FGGY: variants seen among roughly 807,000 people sequenced by gnomAD.
The protein encoded by FGGY is FGGY carbohydrate kinase domain containing, also known as FGGY carbohydrate kinase domain-containing protein.
FGGY carries 72 observed loss-of-function variants against 71.3 expected under a neutral mutation model. The observed-to-expected ratio is 1.01, with a 90% CI of 0.84 to 1.23. FGGY has a LOEUF of 1.23. FGGY is among the 50% of genes most tolerant of loss of function. The pLI is 0.00. For synonymous variants in FGGY, 251 were observed against 250.3 expected (o/e 1.00, Z -0.02); for missense variants, 668 against 682.3 (o/e 0.98, Z 0.23).
chr1:59,561,117 A>G (rs2095786809), intron 8 of FGGY, among the ~76,000 whole-genome samples: 1 of 152,342 alleles, frequency 6.6e-6, no homozygotes, highest in Non-Finnish European at 1.5e-5. Flanking sequence ...AGAGTGGGCA[A>G]GTGGGACCAG....
intron 11 of FGGY, among the ~76,000 whole-genome samples, chr1:59,645,279 T>G (rs1362472556): frequency 2.0e-5 from 3 of 152,276 alleles, no homozygotes; most frequent in South Asian, 4.2e-4. Context: ...GTTGGCACGA[T>G]GGACAGACAG....
chr1:59,473,395 C>G (rs944191091), intron 6 of FGGY, among the ~76,000 whole-genome samples: 1 of 152,150 alleles, frequency 6.6e-6, no homozygotes, highest in Non-Finnish European at 1.5e-5. Flanking sequence ...GAACAAACTC[C>G]GGACACGCCA....
At chr1:59,371,815 A>G (rs1044232703) in intron 4 of FGGY, among the ~76,000 whole-genome samples, 3 of 152,228 alleles carry the variant, frequency 2.0e-5, no homozygotes, top group Non-Finnish European at 4.4e-5. Flanking sequence ...ACTACTGGGT[A>G]CATAACGAAA....
At chr1:59,657,479 G>A (rs2097230783) in intron 11 of FGGY, among the ~76,000 whole-genome samples, 1 of 152,238 alleles carries the variant, frequency 6.6e-6, no homozygotes, top group African/African-American at 2.4e-5. Flanking sequence ...TGTGTGAATG[G>A]TGTTCATGAC....
chr1:59,651,681 A>T (rs1174154077), intron 11 of FGGY, among the ~76,000 whole-genome samples: 1 of 151,120 alleles, frequency 6.6e-6, no homozygotes, highest in Admixed American at 6.6e-5. Flanking sequence ...AATACAGCAC[A>T]CTGATGGTTC....
chr1:59,594,596 G>A (rs945119564), intron 8 of FGGY, among the ~76,000 whole-genome samples: 1 of 152,180 alleles, frequency 6.6e-6, no homozygotes, highest in African/African-American at 2.4e-5. Context: ...AGGCATGGAG[G>A]GGTGCTTCCT....
intron 7 of FGGY, among the ~76,000 whole-genome samples, chr1:59,524,227 C>T (rs1187598468): frequency 6.6e-6 from 1 of 152,244 alleles, no homozygotes; most frequent in African/African-American, 2.4e-5. Context: ...ACGCTAGCCT[C>T]CTGCCACCTT....
chr1:59,730,681 A>G (rs569123414), intron 14 of FGGY, among the ~76,000 whole-genome samples: 20 of 152,338 alleles, frequency 1.3e-4, no homozygotes, highest in African/African-American at 4.3e-4. Context: ...AATAAACCAC[A>G]GATCAGAGAA....
At chr1:59,733,865 AC>A (rs1387241426) in intron 14 of FGGY, among the ~76,000 whole-genome samples, 4 of 151,868 alleles carry the variant, frequency 2.6e-5, no homozygotes, top group African/African-American at 9.7e-5. Flanking sequence ...TCTCCCTAAC[AC>A]CCTCATCTGG....
chr1:59,460,123 G>C (rs990691336), intron 6 of FGGY, among the ~76,000 whole-genome samples: 1 of 152,176 alleles, frequency 6.6e-6, no homozygotes, highest in African/African-American at 2.4e-5. Flanking sequence ...CACAAGGGGT[G>C]GGGGAGATTT....
intron 14 of FGGY, among the ~76,000 whole-genome samples, chr1:59,733,682 G>A (rs1393357385): frequency 1.3e-5 from 2 of 152,082 alleles, no homozygotes; most frequent in African/African-American, 4.8e-5. Flanking sequence ...TCAGAACAAG[G>A]CAAGGCTGAG....
intron 14 of FGGY, among the ~76,000 whole-genome samples, chr1:59,694,936 C>G (rs2097644240): frequency 2.0e-5 from 3 of 152,190 alleles, no homozygotes; most frequent in Admixed American, 2.0e-4. Context: ...CCCAAATTTA[C>G]TTGATCGAAG....
chr1:59,365,073 T>C (rs532182721), intron 4 of FGGY, among the ~76,000 whole-genome samples: 48 of 152,142 alleles, frequency 3.2e-4, no homozygotes, highest in African/African-American at 1.1e-3. Flanking sequence ...GAGTTGGAGG[T>C]ACAGTGGGAC....
intron 1 of FGGY, among the ~76,000 whole-genome samples, chr1:59,317,104 A>G (rs114058762): frequency 0.018 from 2,685 of 152,300 alleles, 85 homozygotes; most frequent in African/African-American, 0.062. Flanking sequence ...TGGGGCTCAT[A>G]CTGCCTACCT....
intron 14 of FGGY, among the ~76,000 whole-genome samples, chr1:59,729,022 A>G (rs186295965): frequency 2.6e-5 from 4 of 152,086 alleles, no homozygotes; most frequent in Admixed American, 2.6e-4. Context: ...TGCATATGTT[A>G]TACGTTTTGA....
chr1:59,472,754 C>A (rs1456853336), intron 6 of FGGY, among the ~76,000 whole-genome samples: 2 of 151,224 alleles, frequency 1.3e-5, no homozygotes, highest in African/African-American at 4.9e-5. Context: ...CACTCTGTAT[C>A]TAGCTAATCT....
intron 3 of FGGY, 70 bp from the exon 4 acceptor site, chr1:59,346,177 C>T (rs1376640125): frequency 6.4e-7 from 1 of 1,567,132 alleles, no homozygotes. Flanking sequence ...CTTGGGAATC[C>T]ATAATTGTTC....
chr1:59,639,134 G>A (rs976528667), intron 11 of FGGY, among the ~76,000 whole-genome samples: 3 of 152,184 alleles, frequency 2.0e-5, no homozygotes, highest in African/African-American at 7.2e-5. Context: ...AAGCTGAGAA[G>A]GTGAGTGTGA....
intron 4 of FGGY, among the ~76,000 whole-genome samples, chr1:59,348,962 G>C (rs1460298490): frequency 6.6e-6 from 1 of 152,114 alleles, no homozygotes; most frequent in African/African-American, 2.4e-5. Flanking sequence ...AAGTGGGAGA[G>C]TTGTATTAAC....
Sources: allele counts gnomAD v4.1 joint callset (sites outside exome capture counted in the v4.1 genomes callset), GRCh38; gene constraint gnomAD v4.1.1; transcripts MANE v1.5; gene names NCBI Gene and HGNC (gene_info 2026-07-23, HGNC 2026-07-21).